Variants in CREB3L2 observed in about 807,000 individuals in gnomAD.
CREB3L2 encodes cAMP responsive element binding protein 3 like 2, also known as cyclic AMP-responsive element-binding protein 3-like protein 2.
Under a neutral mutation model 57.2 loss-of-function variants are expected in CREB3L2, and 23 were observed. The observed-to-expected ratio is 0.40, with a 90% CI of 0.29 to 0.57. The LOEUF (loss-of-function observed/expected upper bound fraction) is 0.57. Among genes scored for constraint, CREB3L2 ranks in the 20% least tolerant of loss-of-function variants. The pLI, the probability that CREB3L2 is intolerant of heterozygous loss-of-function variation, is 0.42. For synonymous variants in CREB3L2, 268 were observed against 265.1 expected (o/e 1.01, Z -0.11); for missense variants, 628 against 634.7 (o/e 0.99, Z 0.11).
At chr7:137,989,359 T>C (rs369792005) in intron 1 of CREB3L2, among the ~76,000 whole-genome samples, 3 of 151,954 alleles carry the variant, frequency 2.0e-5, no homozygotes, top group African/African-American at 7.2e-5. Context: ...TCAACCCTTA[T>C]TTGTACTGAC....
intron 1 of CREB3L2, among the ~76,000 whole-genome samples, chr7:137,932,888 T>C (rs557491259): frequency 6.3e-4 from 96 of 152,342 alleles, no homozygotes; most frequent in African/African-American, 2.2e-3. Context: ...CAAAGTTTTA[T>C]GTGCAGATAA....
chr7:137,940,722 C>G (rs139809829), intron 1 of CREB3L2, among the ~76,000 whole-genome samples: 1 of 152,204 alleles, frequency 6.6e-6, no homozygotes, highest in Admixed American at 6.5e-5. Context: ...GTATGAAACA[C>G]TAACGGGCGA....
intron 1 of CREB3L2, among the ~76,000 whole-genome samples, chr7:137,977,442 G>A (rs1801627800): frequency 1.3e-5 from 2 of 152,282 alleles, no homozygotes; most frequent in African/African-American, 4.8e-5. Flanking sequence ...TGGGAAAAAG[G>A]AATGACAAAT....
At chr7:137,990,456 C>G (rs1201325977) in intron 1 of CREB3L2, among the ~76,000 whole-genome samples, 1 of 152,350 alleles carries the variant, frequency 6.6e-6, no homozygotes, top group East Asian at 1.9e-4. Context: ...AATGACGCAT[C>G]TTCCTTCCTA....
chr7:137,925,209 G>C (rs138459040), intron 2 of CREB3L2, among the ~76,000 whole-genome samples: 1 of 152,080 alleles, frequency 6.6e-6, no homozygotes, highest in Admixed American at 6.6e-5. Context: ...GGGGAAGCAG[G>C]AGGCAGAGGG....
At chr7:137,978,537 GA>G (rs1801650374) in intron 1 of CREB3L2, among the ~76,000 whole-genome samples, 1 of 152,158 alleles carries the variant, frequency 6.6e-6, no homozygotes. Context: ...GGTGGTTCTG[GA>G]AGTTGGCAAT....
At chr7:138,000,320 T>C (rs1230766104) in intron 1 of CREB3L2, among the ~76,000 whole-genome samples, 3 of 152,228 alleles carry the variant, frequency 2.0e-5, no homozygotes, top group Non-Finnish European at 4.4e-5. Context: ...GAAGCACATC[T>C]GGTACCCCAA....
chr7:137,893,666 A>G (rs1187237175), intron 8 of CREB3L2, among the ~76,000 whole-genome samples: 1 of 152,272 alleles, frequency 6.6e-6, no homozygotes, highest in African/African-American at 2.4e-5. Flanking sequence ...CTTGGCTGGA[A>G]AGACCTTTAA....
At chr7:137,899,106 A>AAGGT (rs1799692290) in intron 8 of CREB3L2, among the ~76,000 whole-genome samples, 1 of 40,512 alleles carries the variant, frequency 2.5e-5, no homozygotes, top group Non-Finnish European at 6.0e-5. Flanking sequence ...AGAAGGAAGG[A>AAGGT]AGGAAGGAAG....
rs1283371500 is a variant in CREB3L2, at chr7:137,880,678, G to C, written c.1488-127C>G. The C allele has an allele frequency of 1.4e-6, 1 of 734,868 alleles. No homozygotes were observed. The highest frequency in any genetic ancestry group is 1.7e-5 in the African/African-American group (1 of 57,438). The allele number at this position is 734,868 out of a possible 1,614,324, so 45.5% of individuals were successfully genotyped here. On this transcript the variant is annotated intron_variant, in intron 11 of 11. Coordinates refer to ENST00000330387, the MANE Select transcript of CREB3L2 (RefSeq NM_194071.4). This position sits in a 1 kb window ranked among gnomAD's most constrained non-coding sequence, Gnocchi z 4.0. ...GTGAGACGGCCTGGGCATGTTTCTT[G>C]TCCTTTTCTCTCCTAGTAGCAATTC...
At position 138,001,820 on chromosome 7, in the gene CREB3L2, G is replaced by T. The variant is rs1025738950; in HGVS notation, c.-115C>A. The T allele has an allele frequency of 2.9e-6, 2 of 682,868 alleles. No individual in the cohort carries two copies. The highest frequency in any genetic ancestry group is 2.2e-5 in the South Asian group (1 of 45,446). The allele number at this position is 682,868 out of a possible 1,614,324, so 42.3% of individuals were successfully genotyped here. On this transcript the variant is annotated 5_prime_UTR_variant, in exon 1 of 12. Coordinates refer to ENST00000330387, the MANE Select transcript of CREB3L2 (RefSeq NM_194071.4). This position sits in a 1 kb window ranked among gnomAD's most constrained non-coding sequence, Gnocchi z 4.2. ...CGTGTGCTTGCGTGTGTGCGCGCGC[G>T]TGTCTGTAGTTTTGCACTTGGAAAG...
At position 137,879,024 on chromosome 7, in the gene CREB3L2, G is replaced by C. The variant is rs1386756810; in HGVS notation, c.*1452C>G. 1 of 433,978 alleles carries C rather than the reference G, an allele frequency of 2.3e-6. No homozygotes were observed. Among genetic ancestry groups the C allele is most frequent in the African/African-American group, 2.0e-5 (1 of 50,108 alleles). 26.9% of individuals were successfully genotyped at this position (433,978 alleles called of 1,614,324 possible). A position where few individuals can be genotyped will look rare whatever the true frequency, so the allele number is the denominator to read the frequency against. On this transcript the variant is annotated 3_prime_UTR_variant, in exon 12 of 12. Transcript: ENST00000330387. ...AATAAAAATAAAATACAAACTCTAT[G>C]CACATTTCCTACACAAAATCTTTCC...
chr7:137,947,932 C>T (rs274001), intron 1 of CREB3L2, among the ~76,000 whole-genome samples: 78,129 of 151,968 alleles, frequency 0.51, 21,651 homozygotes, highest in East Asian at 0.81. Context: ...TCCTCCGGCC[C>T]GACCTTCATT....
In CREB3L2 at chr7:137,992,339, C is replaced by A. The variant is rs147049147; in HGVS notation, c.102+9265G>T. On this transcript the variant is annotated intron_variant, in intron 1 of 11. Coordinates refer to ENST00000330387, the MANE Select transcript of CREB3L2 (RefSeq NM_194071.4). ...CACAGCTTGCCTCTAATGAGTGACACGGACTGTAGAAGCAGCTGAATCCCA... is the reference window on the plus strand; with the variant it reads ...CACAGCTTGCCTCTAATGAGTGACAAGGACTGTAGAAGCAGCTGAATCCCA... 3.5e-3 allele frequency among the ~76,000 whole-genome samples: 537 copies of A among 152,240 alleles called. 3 individuals are homozygous for A. Among genetic ancestry groups the A allele is most frequent in the African/African-American group, 0.012 (513 of 41,536 alleles).
At chr7:137,999,551 C>CT (rs1464119501) in intron 1 of CREB3L2, 2 of 152,208 alleles carry the variant, frequency 1.3e-5, no homozygotes, top group East Asian at 3.9e-4. Flanking sequence ...TCAGGCCATC[C>CT]TTTTTCTACA....
chr7:137,899,235 C>T (rs1286226261), intron 8 of CREB3L2, among the ~76,000 whole-genome samples: 19 of 152,130 alleles, frequency 1.2e-4, no homozygotes, highest in Admixed American at 1.2e-3. Context: ...TGGGGTCGGT[C>T]CTTCTCCCTC....
intron 4 of CREB3L2, among the ~76,000 whole-genome samples, chr7:137,911,843 C>A (rs891629666): frequency 8.6e-5 from 13 of 151,786 alleles, no homozygotes; most frequent in African/African-American, 2.7e-4. Context: ...GTTTCACACA[C>A]AAAAAATAAA....
chr7:138,000,262 A>C (rs73729539), intron 1 of CREB3L2, among the ~76,000 whole-genome samples: 19,009 of 152,228 alleles, frequency 0.12, 1,579 homozygotes, highest in African/African-American at 0.23. Flanking sequence ...CCCATTCATC[A>C]AAAGATATTT....
Position 137,988,616 on chromosome 7 carries a change from T to A in CREB3L2, c.102+12988A>T, listed in dbSNP as rs1801830277. 2.6e-5 allele frequency among the ~76,000 whole-genome samples: 4 copies of A among 151,792 alleles called. No homozygotes were observed. The South Asian group carries it at 6.2e-4, about 24-fold the overall frequency. ...AGAGGAAAAGACTCACACCTTGGAG[T>A]CATGTGGTGAATCCCAACACTCTTG... On this transcript the variant is annotated intron_variant, in intron 1 of 11. Transcript: ENST00000330387.
Sources: allele counts gnomAD v4.1 joint callset (sites outside exome capture counted in the v4.1 genomes callset), GRCh38; gene constraint gnomAD v4.1.1; non-coding constraint Gnocchi (gnomAD v3.1); transcripts MANE v1.5; gene names NCBI Gene and HGNC (gene_info 2026-07-23, HGNC 2026-07-21).